Variants in LRRC37A2 observed in about 807,000 individuals in gnomAD.
LRRC37A2 encodes the protein leucine rich repeat containing 37 member A2, also known as leucine-rich repeat-containing protein 37A2.
A neutral mutation model predicts 68.8 loss-of-function variants in LRRC37A2; 9 were observed. The ratio of observed to expected loss-of-function variants is 0.13; its 90% CI spans 0.08 to 0.23. The LOEUF is 0.23. LRRC37A2 is among the 10% of genes least tolerant of loss of function. The pLI, the probability that LRRC37A2 is intolerant of heterozygous loss-of-function variation, is 1.00. For missense variants in LRRC37A2, 168 were observed against 950.4 expected, an observed-to-expected ratio of 0.18 and a Z score of 10.82; for synonymous variants, 63 against 367.6, an observed-to-expected ratio of 0.17 and a Z score of 9.48.
the LRRC37A2 span, among the ~76,000 whole-genome samples, chr17:46,893,515 G>T: frequency 6.6e-6 from 1 of 152,068 alleles, no homozygotes; most frequent in African/African-American, 2.4e-5. Flanking sequence ...AGGCATTTAT[G>T]GGTCTCTCCT....
chr17:46,545,794 CTT>C (rs1179643938), intron 8 of LRRC37A2, among the ~76,000 whole-genome samples: 1 of 148,352 alleles, frequency 6.7e-6, no homozygotes, highest in Non-Finnish European at 1.5e-5. Context: ...CCAATGCAGT[CTT>C]TGTTATTTTT....
chr17:46,894,909 A>G, the LRRC37A2 span, among the ~76,000 whole-genome samples: 18,313 of 152,254 alleles, frequency 0.12, 2,201 homozygotes, highest in African/African-American at 0.31. Context: ...GGGCCATGCA[A>G]GCCGGAATGC....
the LRRC37A2 span, among the ~76,000 whole-genome samples, chr17:46,789,397 A>C: frequency 6.6e-6 from 1 of 152,076 alleles, no homozygotes; most frequent in African/African-American, 2.4e-5. Flanking sequence ...AAATACAGAC[A>C]CCCAGGCTCC....
chr17:46,404,901 A>G, the LRRC37A2 span, among the ~76,000 whole-genome samples: 1 of 102,494 alleles, frequency 9.8e-6, no homozygotes, highest in African/African-American at 3.4e-5. Context: ...TAAATAAATA[A>G]ATAAATAAAT....
chr17:46,845,378 G>A, the LRRC37A2 span, among the ~76,000 whole-genome samples: 1 of 152,058 alleles, frequency 6.6e-6, no homozygotes, highest in Non-Finnish European at 1.5e-5. Context: ...CAGGGCTGGG[G>A]TGGGGGTTAT....
At chr17:46,771,112 G>C in the LRRC37A2 span, among the ~76,000 whole-genome samples, 1 of 152,206 alleles carries the variant, frequency 6.6e-6, no homozygotes, top group Non-Finnish European at 1.5e-5. Flanking sequence ...ACCCCTCTTG[G>C]CTCCCGCGGC....
At chr17:46,814,209 A>C in the LRRC37A2 span, among the ~76,000 whole-genome samples, 7,350 of 152,220 alleles carry the variant, frequency 0.048, 383 homozygotes, top group African/African-American at 0.13. Context: ...CTGTTGACAA[A>C]ATGCTCTGAG....
chr17:46,935,448 A>G, the LRRC37A2 span: 29 of 1,403,442 alleles, frequency 2.1e-5, no homozygotes, highest in South Asian at 3.8e-4. Context: ...AGTGAGTGCT[A>G]CTACGAGGGG....
the LRRC37A2 span, among the ~76,000 whole-genome samples, chr17:46,830,052 A>C: frequency 1.3e-5 from 2 of 152,100 alleles, no homozygotes; most frequent in Admixed American, 6.6e-5. Flanking sequence ...TAATGGCAGA[A>C]TCCTAACCAG....
chr17:46,818,819 T>C, the LRRC37A2 span: 4 of 610,340 alleles, frequency 6.6e-6, no homozygotes, highest in Non-Finnish European at 1.2e-5. Context: ...AGGTAAGAGA[T>C]GAGTCTGTAG....
chr17:46,826,214 A>G, the LRRC37A2 span, among the ~76,000 whole-genome samples: 1 of 152,112 alleles, frequency 6.6e-6, no homozygotes, highest in Non-Finnish European at 1.5e-5. Flanking sequence ...CCAACTAACC[A>G]CCTTCTCCAC....
At chr17:46,849,849 C>A in the LRRC37A2 span, among the ~76,000 whole-genome samples, 2 of 145,750 alleles carry the variant, frequency 1.4e-5, no homozygotes, top group Non-Finnish European at 3.0e-5. Flanking sequence ...CATTTAATAT[C>A]TTTTTTTTTT....
At chr17:46,950,671 A>G in the LRRC37A2 span, among the ~76,000 whole-genome samples, 2 of 151,888 alleles carry the variant, frequency 1.3e-5, no homozygotes, top group Non-Finnish European at 2.9e-5. Context: ...GGGCTGCCCC[A>G]CCATCCTGCC....
At chr17:47,047,875 G>T in the LRRC37A2 span, among the ~76,000 whole-genome samples, 1 of 150,800 alleles carries the variant, frequency 6.6e-6, no homozygotes, top group South Asian at 2.1e-4. Flanking sequence ...AAATGCTCAA[G>T]GGCTTTCAAG....
chr17:46,913,721 T>A, the LRRC37A2 span, among the ~76,000 whole-genome samples: 2 of 152,206 alleles, frequency 1.3e-5, no homozygotes, highest in African/African-American at 4.8e-5. Flanking sequence ...ATCAAAAGGC[T>A]TAGCATGGCA....
chr17:46,777,630 C>T, the LRRC37A2 span, among the ~76,000 whole-genome samples: 3 of 152,384 alleles, frequency 2.0e-5, no homozygotes, highest in African/African-American at 4.8e-5. Context: ...CTAATGACAA[C>T]TATTTATGTA....
chr17:46,996,564 G>A, the LRRC37A2 span, among the ~76,000 whole-genome samples: 1 of 152,222 alleles, frequency 6.6e-6, no homozygotes, highest in Non-Finnish European at 1.5e-5. Context: ...TCCTGTGAAG[G>A]TAGGAAAGGG....
the LRRC37A2 span, chr17:46,955,595 C>T: frequency 6.6e-6 from 1 of 152,076 alleles, no homozygotes; most frequent in African/African-American, 2.4e-5. Context: ...TCATTAATTC[C>T]CTATGGAGAT....
At chr17:46,977,625 T>C in the LRRC37A2 span, among the ~76,000 whole-genome samples, 1 of 152,334 alleles carries the variant, frequency 6.6e-6, no homozygotes, top group African/African-American at 2.4e-5. Flanking sequence ...ATTTTCTCCA[T>C]TGTATAATAA....
Sources: allele counts gnomAD v4.1 joint callset (sites outside exome capture counted in the v4.1 genomes callset), GRCh38; gene constraint gnomAD v4.1.1; transcripts MANE v1.5; gene names NCBI Gene and HGNC (gene_info 2026-07-23, HGNC 2026-07-21).